The following STS variants were observed in gnomAD, a reference collection of about 807,000 sequenced individuals.
STS encodes steryl-sulfatase.
Under a neutral mutation model 26.8 loss-of-function variants are expected in STS, and 7 were observed. The observed-to-expected ratio is 0.26, with a 90% CI of 0.15 to 0.49. STS has a LOEUF of 0.49. Among genes scored for constraint, STS ranks in the 20% least tolerant of loss-of-function variants. The pLI, the probability that STS is intolerant of heterozygous loss-of-function variation, is 0.98. For missense variants in STS, 434 were observed against 465.6 expected, an observed-to-expected ratio of 0.93 and a Z score of 0.63; for synonymous variants, 199 against 189.4, an observed-to-expected ratio of 1.05 and a Z score of -0.42.
chrX:7,316,695 T>C (rs758777279), intron 8 of STS, among the ~76,000 whole-genome samples: 20 of 112,268 alleles, frequency 1.8e-4, no homozygotes, highest in African/African-American at 5.8e-4. Context: ...GCCTTCATAA[T>C]AGATGGGTAA....
chrX:7,206,201 T>C (rs767832055), intron 2 of STS, among the ~76,000 whole-genome samples: 1 of 112,352 alleles, frequency 8.9e-6, no homozygotes, highest in South Asian at 3.7e-4. Flanking sequence ...GGTAATCTCT[T>C]GCTCTCTCTC....
chrX:7,341,231 A>G (rs956041071), intron 10 of STS, among the ~76,000 whole-genome samples: 2 of 111,794 alleles, frequency 1.8e-5, no homozygotes, highest in Non-Finnish European at 3.8e-5. Flanking sequence ...CCCTAAGACA[A>G]TATGTTCTTT....
chrX:7,219,330 C>T (rs181061797), intron 2 of STS: 1 of 840,284 alleles, frequency 1.2e-6, no homozygotes, highest in African/African-American at 2.1e-5. Flanking sequence ...ATCTTTGACA[C>T]AAATCATACC....
intron 9 of STS, among the ~76,000 whole-genome samples, chrX:7,331,197 A>G (rs770443518): frequency 2.3e-4 from 26 of 111,388 alleles, no homozygotes; most frequent in Non-Finnish European, 4.3e-4. Context: ...TCTTGGAGGA[A>G]TGACGTCAAT....
In STS at chrX:7,192,489, C is replaced by T. The variant is rs186555077; in HGVS notation, c.-5+1481C>T. Among the ~76,000 whole-genome samples the T allele has an allele frequency of 7.4e-5, 8 of 108,757 alleles. No homozygotes were observed. In the East Asian group the frequency reaches 1.8e-3, roughly 24 times the overall value. 94.4% of individuals were successfully genotyped at this position (108,757 alleles called of 115,157 possible). ...TGAGGCAGGATAATCGCTTGAACCC[C>T]GGGGGCAGAGGTTGCAGTGAGCTGA... On this transcript the variant is annotated intron_variant, in intron 2 of 10. Coordinates refer to ENST00000674429, the MANE Select transcript of STS (RefSeq NM_001320752.2).
intron 2 of STS, among the ~76,000 whole-genome samples, chrX:7,223,054 C>T (rs1260982229): frequency 2.7e-5 from 3 of 111,932 alleles, no homozygotes; most frequent in African/African-American, 9.7e-5. Context: ...TAGTTCCCTC[C>T]ATTTTGTTGC....
intron 7 of STS, among the ~76,000 whole-genome samples, chrX:7,279,311 A>ATATGTGTG (rs1445736078): frequency 7.7e-5 from 6 of 78,132 alleles, no homozygotes; most frequent in South Asian, 6.9e-4. Flanking sequence ...ATATATATAT[A>ATATGTGTG]TGTGTGTGTG....
rs3077766 is a variant in STS, at chrX:7,233,091, C to CTT, written c.-4-20086_-4-20085dup. Among the ~76,000 whole-genome samples, 222 of 69,833 alleles carry CTT rather than the reference C, an allele frequency of 3.2e-3. 3 individuals are homozygous for CTT. The highest frequency in any genetic ancestry group is 0.018 in the East Asian group (38 of 2,101). 60.6% of individuals were successfully genotyped at this position (69,833 alleles called of 115,157 possible). A position where few individuals can be genotyped will look rare whatever the true frequency, so the allele number is the denominator to read the frequency against. On this transcript the variant is annotated intron_variant, in intron 2 of 10. Transcript: ENST00000674429. ...CTTGGTCTCAGATATTTCTTTTTTT[C>CTT]TTTTTTTTTTTTTTTTTTTTGAGAT...
At chrX:7,163,822 A>G (rs1421479436) in intron 1 of STS, among the ~76,000 whole-genome samples, 2 of 111,814 alleles carry the variant, frequency 1.8e-5, no homozygotes, top group Admixed American at 9.5e-5. Context: ...ATTTTGTTTC[A>G]CTGCAGAACT....
intron 1 of STS, among the ~76,000 whole-genome samples, chrX:7,149,060 A>T (rs751305175): frequency 1.8e-5 from 2 of 110,639 alleles, no homozygotes; most frequent in Non-Finnish European, 3.8e-5. Flanking sequence ...GGACCTTTTG[A>T]GAAGCGGAAA....
chrX:7,326,032 G>A (rs1328288341), intron 9 of STS, among the ~76,000 whole-genome samples: 2 of 111,809 alleles, frequency 1.8e-5, no homozygotes. Context: ...TGCTGGCTTT[G>A]GGGATCAGGG....
At chrX:7,332,881 T>C (rs375984293) in intron 9 of STS, among the ~76,000 whole-genome samples, 1 of 112,156 alleles carries the variant, frequency 8.9e-6, no homozygotes, top group East Asian at 2.8e-4. Flanking sequence ...TTCTTATTTT[T>C]ACTTATGATA....
intron 2 of STS, among the ~76,000 whole-genome samples, chrX:7,205,005 A>G (rs1338977016): frequency 8.9e-6 from 1 of 111,818 alleles, no homozygotes; most frequent in African/African-American, 3.3e-5. Flanking sequence ...GTGGCCCCAC[A>G]TGGCCCTAGG....
At chrX:7,274,683 C>G (rs1924445937) in intron 6 of STS, among the ~76,000 whole-genome samples, 1 of 112,138 alleles carries the variant, frequency 8.9e-6, no homozygotes, top group African/African-American at 3.2e-5. Flanking sequence ...TCTTGAGTAT[C>G]TGTGCATTCT....
chrX:7,209,868 A>G, intron 2 of STS, among the ~76,000 whole-genome samples: 1 of 110,750 alleles, frequency 9.0e-6, no homozygotes, highest in East Asian at 2.8e-4. Context: ...GAGTGAGAAC[A>G]TGCGGTGTTT....
intron 1 of STS, among the ~76,000 whole-genome samples, chrX:7,184,992 G>T (rs1332859772): frequency 8.9e-6 from 1 of 112,063 alleles, no homozygotes; most frequent in African/African-American, 3.2e-5. Flanking sequence ...ACCTCTGGTT[G>T]CTTCGGCTTT....
chrX:7,342,070 C>T (rs1928313892), intron 10 of STS, among the ~76,000 whole-genome samples: 1 of 111,786 alleles, frequency 8.9e-6, no homozygotes, highest in African/African-American at 3.3e-5. Flanking sequence ...GCCTCGGCCT[C>T]CCAAAGTGCT....
chrX:7,304,146 A>T (rs775690544), intron 7 of STS, among the ~76,000 whole-genome samples: 2 of 111,706 alleles, frequency 1.8e-5, no homozygotes, highest in East Asian at 5.6e-4. Flanking sequence ...TTTCAATCAG[A>T]TTTAATTCTT....
chrX:7,204,698 C>G (rs1444213027), intron 2 of STS, among the ~76,000 whole-genome samples: 2 of 102,020 alleles, frequency 2.0e-5, no homozygotes, highest in African/African-American at 7.2e-5. Context: ...TTCTCTCTCT[C>G]CTTCTTTCAT....
Sources: allele counts gnomAD v4.1 joint callset (sites outside exome capture counted in the v4.1 genomes callset), GRCh38; gene constraint gnomAD v4.1.1; transcripts MANE v1.5; gene names NCBI Gene and HGNC (gene_info 2026-07-23, HGNC 2026-07-21).